Variants in NFIX observed in about 807,000 individuals in gnomAD.
NFIX encodes the protein nuclear factor I X.
Under a neutral mutation model 53.3 loss-of-function variants are expected in NFIX, and 2 were observed. The observed-to-expected ratio is 0.04, with a 90% CI of 0.02 to 0.12. NFIX has a LOEUF of 0.12. Among genes scored for constraint, NFIX ranks in the 10% least tolerant of loss-of-function variants. The pLI is 1.00. For synonymous variants in NFIX, 244 were observed against 289.0 expected (o/e 0.84, Z 1.58); for missense variants, 310 against 674.5 (o/e 0.46, Z 5.99).
At position 13,060,054 on chromosome 19, in the gene NFIX, C is replaced by T. The variant is rs2015974532; in HGVS notation, c.560-12993C>T. 6.6e-6 allele frequency among the ~76,000 whole-genome samples: 1 copy of T among 152,188 alleles called. No individual in the cohort carries two copies. Among genetic ancestry groups the T allele is most frequent in the African/African-American group, 2.4e-5 (1 of 41,436 alleles). On this transcript the variant is annotated intron_variant, in intron 2 of 10. Transcript: ENST00000592199. The surrounding 1 kb of genome is among the most constrained non-coding windows in gnomAD (Gnocchi z 4.3). ...CCACTCGCCTCAGCCTCTCAAAGTG[C>T]TGAGATTACAGGCATGAGCCACCGC...
chr19:13,060,764 G>T lies in NFIX; in HGVS notation c.560-12283G>T, dbSNP rs1008584090. ...TGCACTGCCCAGGGTCAGGGGGATG[G>T]GGGGGTCGGCCTCACCTCGGCTAAC... On this transcript the variant is annotated intron_variant, in intron 2 of 10. Transcript: ENST00000592199. This position sits in a 1 kb window ranked among gnomAD's most constrained non-coding sequence, Gnocchi z 4.3. Among the ~76,000 whole-genome samples the T allele has an allele frequency of 1.3e-5, 2 of 151,928 alleles. No homozygotes were observed. The highest frequency in any genetic ancestry group is 2.9e-5 in the Non-Finnish European group (2 of 67,958).
In NFIX at chr19:12,997,352, C is replaced by T. The variant is rs528930768; in HGVS notation, c.27+1488C>T. Among the ~76,000 whole-genome samples the T allele has an allele frequency of 1.3e-4, 20 of 152,316 alleles. No individual in the cohort carries two copies. The East Asian group carries it at 2.7e-3, about 21-fold the overall frequency. On this transcript the variant is annotated intron_variant, in intron 1 of 10. Coordinates refer to ENST00000592199, the MANE Select transcript of NFIX (RefSeq NM_001365902.3). ...CATGGGCAGGCCTGCGTGGCATGGC[C>T]GTGTGTGTGGCCCAGGGAGCGGGTT...
chr19:13,055,686 A>G (rs1259710343), intron 2 of NFIX, among the ~76,000 whole-genome samples: 2 of 152,068 alleles, frequency 1.3e-5, no homozygotes, highest in Non-Finnish European at 2.9e-5. Flanking sequence ...TAGCTGAGGA[A>G]GAAGGGGGCG....
Position 13,006,189 on chromosome 19 carries a change from T to C in NFIX, c.27+10325T>C, listed in dbSNP as rs2012004980. ...GAGCTGGCCGGGCCCTCGGGAGTGCTGGGCAGCTGTGGTTTTAGCAGAGGT... is the reference window on the plus strand; with the variant it reads ...GAGCTGGCCGGGCCCTCGGGAGTGCCGGGCAGCTGTGGTTTTAGCAGAGGT... On this transcript the variant is annotated intron_variant, in intron 1 of 10. Transcript: ENST00000592199. The surrounding 1 kb of genome is among the most constrained non-coding windows in gnomAD (Gnocchi z 5.6). Among the ~76,000 whole-genome samples, 1 of 152,180 alleles carries C rather than the reference T, an allele frequency of 6.6e-6. No individual in the cohort carries two copies.
At chr19:13,038,894 T>G (rs954006214) in intron 2 of NFIX, among the ~76,000 whole-genome samples, 7 of 152,104 alleles carry the variant, frequency 4.6e-5, no homozygotes, top group Non-Finnish European at 5.9e-5. Flanking sequence ...GGCCCAACTT[T>G]TGAGTTTGGA....
chr19:13,007,183 C>G (rs2145144923), intron 1 of NFIX, among the ~76,000 whole-genome samples: 1 of 152,252 alleles, frequency 6.6e-6, no homozygotes, highest in East Asian at 1.9e-4. Context: ...TCCCCCTCCC[C>G]CCCCATAGGC....
intron 2 of NFIX, among the ~76,000 whole-genome samples, chr19:13,061,968 C>T (rs1445363679): frequency 6.6e-6 from 1 of 152,096 alleles, no homozygotes; most frequent in African/African-American, 2.4e-5. Flanking sequence ...GCACTCGGTG[C>T]CGTCCTATTC....
rs917949397 is a variant in NFIX at position 13,001,665 on chromosome 19, C to T, written c.27+5801C>T. On this transcript the variant is annotated intron_variant, in intron 1 of 10. Coordinates refer to ENST00000592199, the MANE Select transcript of NFIX (RefSeq NM_001365902.3). This position sits in a 1 kb window ranked among gnomAD's most constrained non-coding sequence, Gnocchi z 6.5. ...CAACTTGTGTCCACATACGTGTCAA[C>T]GCACGTGTCTCCAGTGTCATCACCC... is the stretch of plus-strand genomic sequence containing the variant. Among the ~76,000 whole-genome samples, 5 of 152,166 alleles carry T rather than the reference C, an allele frequency of 3.3e-5. No homozygotes were observed. Among genetic ancestry groups the T allele is most frequent in the Non-Finnish European group, 7.4e-5 (5 of 68,008 alleles).
rs1400212536 is a variant in NFIX at position 13,001,312 on chromosome 19, T to C, written c.27+5448T>C. Reference sequence around the variant, plus strand: ...CCGGGTCCCTCTCCATGCCTCTCCATGTCTCCCAGCGTCCATCACTGGGTG... The same window carrying C: ...CCGGGTCCCTCTCCATGCCTCTCCACGTCTCCCAGCGTCCATCACTGGGTG... On this transcript the variant is annotated intron_variant, in intron 1 of 10. Transcript: ENST00000592199. The surrounding 1 kb of genome is among the most constrained non-coding windows in gnomAD (Gnocchi z 6.5). Among the ~76,000 whole-genome samples, 3 of 152,172 alleles carry C rather than the reference T, an allele frequency of 2.0e-5. No homozygotes were observed. The highest frequency in any genetic ancestry group is 4.4e-5 in the Non-Finnish European group (3 of 68,042).
At chr19:13,024,914 G>T in intron 1 of NFIX, 107 bp from the exon 2 acceptor site, 1 of 1,444,834 alleles carries the variant, frequency 6.9e-7, no homozygotes, top group Non-Finnish European at 9.4e-7. Context: ...TTTTCCTTGT[G>T]CCCCCCCTTC....
At position 13,000,110 on chromosome 19, in the gene NFIX, G is replaced by A. The variant is rs73925242; in HGVS notation, c.27+4246G>A. 4.9e-3 allele frequency among the ~76,000 whole-genome samples: 739 copies of A among 152,344 alleles called. 1 individual carries two copies. The highest frequency in any genetic ancestry group is 0.017 in the African/African-American group (707 of 41,576). On this transcript the variant is annotated intron_variant, in intron 1 of 10. Coordinates refer to ENST00000592199, the MANE Select transcript of NFIX (RefSeq NM_001365902.3). ...GCTCCCAGACGGAGGCTGCGGGAGC[G>A]GAGTCAAGGGCTAGGCTTTGCCGTC...
Position 13,037,295 on chromosome 19 carries a change from T to C in NFIX, c.559+11743T>C, listed in dbSNP as rs117650112. 4.6e-3 allele frequency among the ~76,000 whole-genome samples: 708 copies of C among 152,322 alleles called. 5 individuals are homozygous for C. Among genetic ancestry groups the C allele is most frequent in the Non-Finnish European group, 7.6e-3 (516 of 68,036 alleles). On this transcript the variant is annotated intron_variant, in intron 2 of 10. Coordinates refer to ENST00000592199, the MANE Select transcript of NFIX (RefSeq NM_001365902.3). This position sits in a 1 kb window ranked among gnomAD's most constrained non-coding sequence, Gnocchi z 4.2. ...GCCACTTGCTTAAGGGAGACCCGAC[T>C]TCTGCACCCGGTCATATCCTCCCCA...
In NFIX at chr19:13,001,056, C is replaced by T. The variant is rs995247753; in HGVS notation, c.27+5192C>T. ...GGGAGGCTGGGCACTTTCTCCAACACGGTGCTGAGAATGGGCCTTCTGTCC... is the reference window on the plus strand; with the variant it reads ...GGGAGGCTGGGCACTTTCTCCAACATGGTGCTGAGAATGGGCCTTCTGTCC... On this transcript the variant is annotated intron_variant, in intron 1 of 10. Coordinates refer to ENST00000592199, the MANE Select transcript of NFIX (RefSeq NM_001365902.3). This position sits in a 1 kb window ranked among gnomAD's most constrained non-coding sequence, Gnocchi z 6.5. Among the ~76,000 whole-genome samples, 2 of 152,148 alleles carry T rather than the reference C, an allele frequency of 1.3e-5. No individual in the cohort carries two copies. The highest frequency in any genetic ancestry group is 4.8e-5 in the African/African-American group (2 of 41,416).
chr19:13,010,208 G>A (rs1345137412), intron 1 of NFIX, among the ~76,000 whole-genome samples: 1 of 152,192 alleles, frequency 6.6e-6, no homozygotes, highest in Non-Finnish European at 1.5e-5. Context: ...CGGGCGGCCG[G>A]CCCTGCCCCA....
chr19:13,065,552 G>T (rs1183826946), intron 2 of NFIX, among the ~76,000 whole-genome samples: 1 of 152,172 alleles, frequency 6.6e-6, no homozygotes, highest in Non-Finnish European at 1.5e-5. Context: ...GCTGTGGCTG[G>T]GGGTCTCATT....
At chr19:13,070,112 T>A (rs2016681840) in intron 2 of NFIX, 1 of 152,146 alleles carries the variant, frequency 6.6e-6, no homozygotes, top group Non-Finnish European at 1.5e-5. Flanking sequence ...GGGCAGGACG[T>A]CTCCTTGCCT....
chr19:13,062,562 C>G (rs537784707), intron 2 of NFIX, among the ~76,000 whole-genome samples: 1 of 152,308 alleles, frequency 6.6e-6, no homozygotes, highest in East Asian at 1.9e-4. Context: ...GCCTGAGTGG[C>G]CTGGTGGCCA....
chr19:13,048,096 C>G (rs1466945780), intron 2 of NFIX, among the ~76,000 whole-genome samples: 1 of 152,224 alleles, frequency 6.6e-6, no homozygotes, highest in African/African-American at 2.4e-5. Flanking sequence ...TAGAAGCTGG[C>G]AGACGGAAGA....
Position 13,009,110 on chromosome 19 carries a change from G to A in NFIX, c.27+13246G>A, listed in dbSNP as rs1306339895. Among the ~76,000 whole-genome samples, 1 of 152,142 alleles carries A rather than the reference G, an allele frequency of 6.6e-6. No individual in the cohort carries two copies. The highest frequency in any genetic ancestry group is 2.4e-5 in the African/African-American group (1 of 41,422). On this transcript the variant is annotated intron_variant, in intron 1 of 10. Transcript: ENST00000592199. This position sits in a 1 kb window ranked among gnomAD's most constrained non-coding sequence, Gnocchi z 4.7. The stretch of plus-strand genomic sequence containing the variant: ...GCAGTGACAGCCTGTCACAAGCACC[G>A]CCGCACACCGGCACAATCTGTCGTC...
Sources: allele counts gnomAD v4.1 joint callset (sites outside exome capture counted in the v4.1 genomes callset), GRCh38; gene constraint gnomAD v4.1.1; non-coding constraint Gnocchi (gnomAD v3.1); transcripts MANE v1.5; gene names NCBI Gene and HGNC (gene_info 2026-07-23, HGNC 2026-07-21).